Variants in KLHL1 observed in about 807,000 individuals in gnomAD.
KLHL1 encodes the protein kelch-like protein 1.
A neutral mutation model predicts 77.7 loss-of-function variants in KLHL1; 47 were observed. That is an observed-to-expected ratio of 0.60 (90% CI 0.48 to 0.77). The LOEUF (loss-of-function observed/expected upper bound fraction) is 0.77. KLHL1 is among the 30% of genes least tolerant of loss of function. KLHL1 has a pLI of 0.00. For synonymous variants in KLHL1, 360 were observed against 325.2 expected (o/e 1.11, Z -1.15); for missense variants, 925 against 910.8 (o/e 1.02, Z -0.20).
At chr13:70,098,009 GCTAA>G (rs528152154) in intron 1 of KLHL1, among the ~76,000 whole-genome samples, 187 of 151,578 alleles carry the variant, frequency 1.2e-3, no homozygotes, top group African/African-American at 4.2e-3. Flanking sequence ...CTATTTACTA[GCTAA>G]CTAAACTTGA....
At chr13:70,087,688 T>C (rs1275567239) in intron 1 of KLHL1, among the ~76,000 whole-genome samples, 2 of 152,084 alleles carry the variant, frequency 1.3e-5, no homozygotes, top group African/African-American at 4.8e-5. Context: ...GGATTTAAAA[T>C]GAGGGAGAAA....
At chr13:69,782,763 G>T (rs980125923) in intron 7 of KLHL1, among the ~76,000 whole-genome samples, 7 of 152,226 alleles carry the variant, frequency 4.6e-5, no homozygotes, top group African/African-American at 1.7e-4. Flanking sequence ...AAAGACAGCA[G>T]TAACCTCTAC....
chr13:69,926,336 A>C (rs2210448), intron 4 of KLHL1, among the ~76,000 whole-genome samples: 1 of 151,780 alleles, frequency 6.6e-6, no homozygotes, highest in Non-Finnish European at 1.5e-5. Flanking sequence ...CCATGACTTT[A>C]AAAAAAATAA....
chr13:69,829,485 T>C (rs1878677136), intron 6 of KLHL1, among the ~76,000 whole-genome samples: 4 of 149,618 alleles, frequency 2.7e-5, no homozygotes, highest in Admixed American at 2.7e-4. Context: ...TCTATCCAAA[T>C]AAGAAGGAAC....
rs1593819161 is a variant in KLHL1, at chr13:69,777,544, T to TTGGA, written c.1639+19193_1639+19194insTCCA. 3.3e-5 allele frequency among the ~76,000 whole-genome samples: 5 copies of TTGGA among 152,344 alleles called. No homozygotes were observed. In the East Asian group the frequency reaches 9.6e-4, roughly 29 times the overall value. ...GATAATCCAATATCATTTAAATTAA[T>TTGGA]TTATTTTCCAACAAAATTTGTGGTT... On this transcript the variant is annotated intron_variant, in intron 7 of 10. Coordinates refer to ENST00000377844, the MANE Select transcript of KLHL1 (RefSeq NM_020866.3).
intron 7 of KLHL1, among the ~76,000 whole-genome samples, chr13:69,793,800 A>T (rs1270004092): frequency 6.6e-6 from 1 of 152,152 alleles, no homozygotes; most frequent in African/African-American, 2.4e-5. Flanking sequence ...GAGTAATCAT[A>T]TATATTTGAG....
At chr13:70,086,585 AAAAAAAAAGAAAGAAAGAAAG>A (rs1391894276) in intron 1 of KLHL1, among the ~76,000 whole-genome samples, 3 of 82,530 alleles carry the variant, frequency 3.6e-5, no homozygotes, top group African/African-American at 1.0e-4. Context: ...AAAAAAAAAA[AAAAAAAAAGAAAGAAAGAAAG>A]AAAGAAAGAA....
At chr13:69,868,256 A>T (rs1007011608) in intron 5 of KLHL1, among the ~76,000 whole-genome samples, 4 of 152,164 alleles carry the variant, frequency 2.6e-5, no homozygotes. Context: ...CAAATAAATT[A>T]AAAACATCAT....
chr13:70,003,708 A>T (rs1017097932), intron 1 of KLHL1, among the ~76,000 whole-genome samples: 4 of 151,830 alleles, frequency 2.6e-5, no homozygotes, highest in African/African-American at 9.7e-5. Context: ...AACCCCTATT[A>T]ATATTTCATG....
At chr13:69,973,934 T>C (rs1472209981) in intron 2 of KLHL1, among the ~76,000 whole-genome samples, 1 of 151,912 alleles carries the variant, frequency 6.6e-6, no homozygotes, top group Non-Finnish European at 1.5e-5. Flanking sequence ...CCAACCAACC[T>C]CTAACTAGGC....
At chr13:70,095,835 C>A (rs984400127) in intron 1 of KLHL1, among the ~76,000 whole-genome samples, 1 of 151,902 alleles carries the variant, frequency 6.6e-6, no homozygotes, top group Non-Finnish European at 1.5e-5. Context: ...CTCCACCCCC[C>A]CCACCACACT....
At chr13:70,015,093 T>C (rs1885625424) in intron 1 of KLHL1, among the ~76,000 whole-genome samples, 2 of 152,176 alleles carry the variant, frequency 1.3e-5, no homozygotes, top group South Asian at 2.1e-4. Flanking sequence ...AAGTAGATTA[T>C]GTACAAACAC....
intron 6 of KLHL1, among the ~76,000 whole-genome samples, chr13:69,825,850 A>C (rs1233300599): frequency 6.6e-6 from 1 of 152,180 alleles, no homozygotes; most frequent in Non-Finnish European, 1.5e-5. Context: ...GTTAGATAGA[A>C]ATATTGCTGA....
intron 4 of KLHL1, among the ~76,000 whole-genome samples, chr13:69,891,168 T>G (rs1427281499): frequency 6.6e-6 from 1 of 152,072 alleles, no homozygotes; most frequent in East Asian, 1.9e-4. Flanking sequence ...CTGCCGAGTT[T>G]TCCTTACCTA....
chr13:69,730,819 A>G (rs1458248599), intron 8 of KLHL1, among the ~76,000 whole-genome samples: 1 of 152,058 alleles, frequency 6.6e-6, no homozygotes, highest in African/African-American at 2.4e-5. Context: ...GACTCAAGCA[A>G]TCCTCTCACC....
chr13:69,748,865 T>C (rs969618657), intron 7 of KLHL1, among the ~76,000 whole-genome samples: 2 of 152,012 alleles, frequency 1.3e-5, no homozygotes, highest in Non-Finnish European at 2.9e-5. Context: ...AATATGTCAT[T>C]ACTCTCAAAA....
intron 1 of KLHL1, among the ~76,000 whole-genome samples, chr13:70,029,760 C>A (rs1886048120): frequency 6.6e-6 from 1 of 152,116 alleles, no homozygotes; most frequent in South Asian, 2.1e-4. Context: ...ACAATATTAA[C>A]CTTAAATGTA....
intron 3 of KLHL1, among the ~76,000 whole-genome samples, chr13:69,944,450 C>T (rs1470738477): frequency 6.6e-6 from 1 of 152,168 alleles, no homozygotes; most frequent in Non-Finnish European, 1.5e-5. Flanking sequence ...TTTGCCGTAA[C>T]AATTCATAGC....
At chr13:70,016,613 C>T (rs916891449) in intron 1 of KLHL1, among the ~76,000 whole-genome samples, 12 of 152,184 alleles carry the variant, frequency 7.9e-5, no homozygotes, top group Non-Finnish European at 1.8e-4. Flanking sequence ...ATTTTGGGCA[C>T]CGATGAGGAT....
Sources: gnomAD v4.1 joint callset for allele counts (sites outside exome capture counted in the v4.1 genomes callset) on GRCh38, gnomAD v4.1.1 for gene constraint, MANE v1.5 for transcripts, NCBI Gene and HGNC (gene_info 2026-07-23, HGNC 2026-07-21) for gene names.